UNC13C: variants seen among roughly 807,000 people sequenced by gnomAD.
The protein encoded by UNC13C is protein unc-13 homolog C.
Under a neutral mutation model 245.4 loss-of-function variants are expected in UNC13C, and 174 were observed. The observed-to-expected ratio is 0.71, with a 90% CI of 0.63 to 0.80. The LOEUF is 0.80. UNC13C is among the 30% of genes least tolerant of loss of function. The probability of loss-of-function intolerance (pLI) is 0.00; values close to 1 mark genes in which losing one functional copy is unlikely to be tolerated. For missense variants in UNC13C, 2,829 were observed against 2,602.9 expected, an observed-to-expected ratio of 1.09 and a Z score of -1.89; for synonymous variants, 992 against 895.1, an observed-to-expected ratio of 1.11 and a Z score of -1.93.
chr15:53,983,777 C>T (rs1360313693), intron 1 of UNC13C, among the ~76,000 whole-genome samples: 1 of 151,808 alleles, frequency 6.6e-6, no homozygotes, highest in Non-Finnish European at 1.5e-5. Context: ...ACAGGATTTC[C>T]ACTAACATGT....
the UNC13C span, among the ~76,000 whole-genome samples, chr15:53,893,668 A>G: frequency 6.6e-6 from 1 of 152,010 alleles, no homozygotes; most frequent in Admixed American, 6.5e-5. Context: ...AACTGCCTAC[A>G]CAAGCCTCAG....
the UNC13C span, among the ~76,000 whole-genome samples, chr15:53,962,667 TG>T: frequency 3.9e-5 from 6 of 152,214 alleles, no homozygotes; most frequent in Non-Finnish European, 7.3e-5. Flanking sequence ...AGCATTGCCA[TG>T]CTCATCAGAT....
At chr15:54,311,092 T>C (rs965038544) in intron 13 of UNC13C, among the ~76,000 whole-genome samples, 2 of 151,882 alleles carry the variant, frequency 1.3e-5, no homozygotes, top group African/African-American at 4.8e-5. Context: ...TAGAAAAGGA[T>C]AGGTATTTTT....
chr15:54,607,643 G>C (rs1596664521), intron 30 of UNC13C, among the ~76,000 whole-genome samples: 1 of 152,288 alleles, frequency 6.6e-6, no homozygotes, highest in South Asian at 2.1e-4. Context: ...CAGTTATGCA[G>C]GCTGTACATG....
chr15:53,885,896 T>TCC, the UNC13C span, among the ~76,000 whole-genome samples: 1 of 152,140 alleles, frequency 6.6e-6, no homozygotes, highest in African/African-American at 2.4e-5. Context: ...ATTAATAAGG[T>TCC]TGTTTCTCGT....
At chr15:54,434,817 T>C (rs1046200997) in intron 19 of UNC13C, among the ~76,000 whole-genome samples, 1 of 151,652 alleles carries the variant, frequency 6.6e-6, no homozygotes, top group Non-Finnish European at 1.5e-5. Flanking sequence ...ATGGGAGAAA[T>C]TTTTTGCAAT....
At position 54,211,507 on chromosome 15, in the gene UNC13C, C is replaced by G. The variant is rs141366219; in HGVS notation, c.3072-23523C>G. Among the ~76,000 whole-genome samples, 254 of 152,122 alleles carry G rather than the reference C, an allele frequency of 1.7e-3. 1 individual carries two copies. In the Middle Eastern group the frequency reaches 0.027, roughly 16 times the overall value. Reference sequence around the variant, plus strand: ...TAGTATCAAGTTATCCTACTATGACCAGTTTCAAGCTATCAATGTGATTAT... The same window carrying G: ...TAGTATCAAGTTATCCTACTATGACGAGTTTCAAGCTATCAATGTGATTAT... On this transcript the variant is annotated intron_variant, in intron 4 of 32. Coordinates refer to ENST00000260323, the MANE Select transcript of UNC13C (RefSeq NM_001080534.3).
At chr15:53,988,787 C>T (rs1595683182) in intron 1 of UNC13C, among the ~76,000 whole-genome samples, 2 of 152,116 alleles carry the variant, frequency 1.3e-5, no homozygotes, top group Admixed American at 1.3e-4. Flanking sequence ...ACTTTCCAAA[C>T]ACTCTGTTCA....
Position 54,485,685 on chromosome 15 carries a change from C to T in UNC13C, c.4934-8923C>T, listed in dbSNP as rs371524443. Among the ~76,000 whole-genome samples, 60 of 152,262 alleles carry T rather than the reference C, an allele frequency of 3.9e-4. 3 individuals are homozygous for T. The South Asian group carries it at 0.011, about 28-fold the overall frequency. On this transcript the variant is annotated intron_variant, in intron 19 of 32. Coordinates refer to ENST00000260323, the MANE Select transcript of UNC13C (RefSeq NM_001080534.3). ...TTACAAGATCCTATGTGACCTAGTC[C>T]GGGTTTCTCTCTGAACCCAGATCTC...
At chr15:54,330,674 T>G (rs1222396255) in intron 14 of UNC13C, among the ~76,000 whole-genome samples, 1 of 152,082 alleles carries the variant, frequency 6.6e-6, no homozygotes, top group South Asian at 2.1e-4. Context: ...TCTCCTTTTC[T>G]ATCTGGATTG....
intron 30 of UNC13C, among the ~76,000 whole-genome samples, chr15:54,588,246 C>T (rs1000015527): frequency 6.6e-6 from 1 of 152,200 alleles, no homozygotes; most frequent in African/African-American, 2.4e-5. Flanking sequence ...AATGCTGATA[C>T]ATTTTCAATT....
At chr15:53,944,857 G>T in the UNC13C span, among the ~76,000 whole-genome samples, 1 of 152,062 alleles carries the variant, frequency 6.6e-6, no homozygotes, top group Non-Finnish European at 1.5e-5. Flanking sequence ...GCTTTTGATG[G>T]TTGAATTAAG....
At chr15:54,518,981 T>A (rs927642529) in intron 24 of UNC13C, among the ~76,000 whole-genome samples, 38 of 152,168 alleles carry the variant, frequency 2.5e-4, no homozygotes, top group African/African-American at 8.7e-4. Flanking sequence ...GGGATTCCTG[T>A]TTTTTTAATG....
intron 2 of UNC13C, among the ~76,000 whole-genome samples, chr15:54,043,296 A>G (rs1218080163): frequency 6.6e-6 from 1 of 152,254 alleles, no homozygotes; most frequent in African/African-American, 2.4e-5. Context: ...TTTGGGCAAC[A>G]TTTACACTGC....
chr15:54,013,595 G>T lies in UNC13C; in HGVS notation c.692G>T (p.Ser231Ile), dbSNP rs780884252. The T allele has an allele frequency of 3.7e-6, 6 of 1,613,678 alleles. No individual in the cohort carries two copies. The South Asian group carries it at 4.4e-5, about 12-fold the overall frequency. ...ACAAATGCCCTGGAGCCAGGGTTCA[G>T]TTCCTCTGGCTGCATTAGCCAAACA... ...PKTNALEPGF[S>I]SSGCISQTHD... The change falls in exon 2 of 33, where the codon AGT becomes ATT. Residue 231 changes from serine to isoleucine, a missense_variant. Transcript: ENST00000260323.
intron 30 of UNC13C, among the ~76,000 whole-genome samples, chr15:54,580,131 C>T (rs903369543): frequency 6.6e-6 from 1 of 152,172 alleles, no homozygotes; most frequent in Admixed American, 6.5e-5. Flanking sequence ...CACTGAGCCA[C>T]CACGCCTGTT....
chr15:53,983,252 C>A (rs1893997521), intron 1 of UNC13C, among the ~76,000 whole-genome samples: 1 of 151,988 alleles, frequency 6.6e-6, no homozygotes, highest in South Asian at 2.1e-4. Context: ...GAATATGTAC[C>A]TACTGTACTT....
chr15:54,218,780 G>A (rs73409977), intron 4 of UNC13C, among the ~76,000 whole-genome samples: 21,778 of 151,766 alleles, frequency 0.14, 1,858 homozygotes, highest in South Asian at 0.22. Context: ...GTGGAATAGG[G>A]CACTATTGAT....
chr15:54,202,955 C>T (rs914427166), intron 4 of UNC13C, among the ~76,000 whole-genome samples: 1 of 151,512 alleles, frequency 6.6e-6, no homozygotes, highest in Non-Finnish European at 1.5e-5. Flanking sequence ...TACAGGAACT[C>T]GAACAATTCA....
Sources: allele counts gnomAD v4.1 joint callset (sites outside exome capture counted in the v4.1 genomes callset), GRCh38; gene constraint gnomAD v4.1.1; transcripts MANE v1.5; gene names NCBI Gene and HGNC (gene_info 2026-07-23, HGNC 2026-07-21).